NFIB: variants seen among roughly 807,000 people sequenced by gnomAD.
NFIB encodes the protein nuclear factor I B.
Under a neutral mutation model 61.5 loss-of-function variants are expected in NFIB, and 11 were observed. The observed-to-expected ratio is 0.18, with a 90% CI of 0.11 to 0.30. NFIB has a LOEUF of 0.30. NFIB is among the 10% of genes least tolerant of loss of function. NFIB has a pLI of 1.00. For synonymous variants in NFIB, 260 were observed against 216.5 expected (o/e 1.20, Z -1.76); for missense variants, 471 against 608.9 (o/e 0.77, Z 2.38).
chr9:14,505,138 GA>G, the NFIB span, among the ~76,000 whole-genome samples: 1 of 152,050 alleles, frequency 6.6e-6, no homozygotes, highest in African/African-American at 2.4e-5. Context: ...CATGTTTATT[GA>G]CTCGTGGATA....
chr9:14,343,655 C>G (rs1300427736), intron 1 of NFIB, among the ~76,000 whole-genome samples: 1 of 151,816 alleles, frequency 6.6e-6, no homozygotes, highest in African/African-American at 2.4e-5. Flanking sequence ...AAAGTGTGTA[C>G]AGTATTTTAT....
chr9:14,401,487 T>C (rs1299141417), upstream of NFIB, among the ~76,000 whole-genome samples: 2 of 152,208 alleles, frequency 1.3e-5, no homozygotes, highest in African/African-American at 4.8e-5. Context: ...GCAGCGTCTA[T>C]CTTACTCAAG....
At chr9:14,124,796 TAAGAC>T (rs1176234212) in intron 7 of NFIB, among the ~76,000 whole-genome samples, 1 of 152,182 alleles carries the variant, frequency 6.6e-6, no homozygotes, top group African/African-American at 2.4e-5. Flanking sequence ...CTACTTAAAT[TAAGAC>T]ATCAGACACA....
chr9:14,220,597 C>A (rs1374545936), intron 2 of NFIB, among the ~76,000 whole-genome samples: 1 of 152,118 alleles, frequency 6.6e-6, no homozygotes, highest in Non-Finnish European at 1.5e-5. Context: ...GTCTCCTCAA[C>A]AGTGGATCAC....
At chr9:14,326,795 A>G (rs1012248063) in intron 1 of NFIB, among the ~76,000 whole-genome samples, 16 of 151,282 alleles carry the variant, frequency 1.1e-4, no homozygotes, top group Non-Finnish European at 1.9e-4. Context: ...TTCTAGCTTT[A>G]AAAAATAATG....
chr9:14,369,164 C>T (rs140802693), intron 1 of NFIB, among the ~76,000 whole-genome samples: 34 of 152,258 alleles, frequency 2.2e-4, no homozygotes, highest in Admixed American at 7.2e-4. Flanking sequence ...CGAGGTTAAA[C>T]AGTAACTCGT....
intron 2 of NFIB, among the ~76,000 whole-genome samples, chr9:14,265,225 T>G (rs1258059341): frequency 1.3e-5 from 2 of 152,228 alleles, no homozygotes; most frequent in African/African-American, 2.4e-5. Context: ...CTATAAATGA[T>G]GAACAGTATT....
the NFIB span, among the ~76,000 whole-genome samples, chr9:14,417,205 C>T: frequency 6.6e-6 from 1 of 152,060 alleles, no homozygotes; most frequent in African/African-American, 2.4e-5. Flanking sequence ...ATCTTTTATA[C>T]TGTATTTTTT....
chr9:14,390,516 G>C (rs1230002493), intron 1 of NFIB, among the ~76,000 whole-genome samples: 1 of 151,994 alleles, frequency 6.6e-6, no homozygotes, highest in Non-Finnish European at 1.5e-5. Context: ...AACAGACAAA[G>C]TTGTCATAAT....
chr9:14,440,983 C>T, the NFIB span, among the ~76,000 whole-genome samples: 28 of 152,100 alleles, frequency 1.8e-4, 1 homozygote, highest in African/African-American at 6.8e-4. Flanking sequence ...ATTATGACAG[C>T]CATTCCTGAT....
chr9:14,484,218 A>G, the NFIB span, among the ~76,000 whole-genome samples: 1 of 152,252 alleles, frequency 6.6e-6, no homozygotes, highest in Non-Finnish European at 1.5e-5. Flanking sequence ...TAGACATAGA[A>G]TAGTGAACTA....
intron 2 of NFIB, among the ~76,000 whole-genome samples, chr9:14,298,824 C>T (rs1450795244): frequency 2.6e-5 from 4 of 152,186 alleles, no homozygotes; most frequent in African/African-American, 4.8e-5. Flanking sequence ...TTAGCCAGGG[C>T]GTAAGTTACA....
At chr9:14,115,576 C>T (rs2038001500) in intron 9 of NFIB, among the ~76,000 whole-genome samples, 1 of 149,864 alleles carries the variant, frequency 6.7e-6, no homozygotes, top group East Asian at 1.9e-4. Flanking sequence ...CTAAAAAGCA[C>T]AGTATTTGAT....
chr9:14,267,060 G>C (rs974434300), intron 2 of NFIB, among the ~76,000 whole-genome samples: 8 of 152,084 alleles, frequency 5.3e-5, no homozygotes, highest in Non-Finnish European at 7.4e-5. Context: ...AAGAAAACTA[G>C]ATTGCATACA....
At chr9:14,295,719 GT>G (rs1292324695) in intron 2 of NFIB, among the ~76,000 whole-genome samples, 1 of 152,110 alleles carries the variant, frequency 6.6e-6, no homozygotes, top group Non-Finnish European at 1.5e-5. Flanking sequence ...AATCTAAAAC[GT>G]AAGTGTAGTT....
intron 2 of NFIB, among the ~76,000 whole-genome samples, chr9:14,217,675 A>AAAAAAAAAAAAAAAAAAAC (rs1315513567): frequency 6.6e-6 from 1 of 151,362 alleles, no homozygotes; most frequent in Non-Finnish European, 1.5e-5. Context: ...AAAAAAAAAA[A>AAAAAAAAAAAAAAAAAAAC]AAAAAAGACA....
rs1389443307 is a variant in NFIB, at chr9:14,329,663, T to C, written c.109-22143A>G. On this transcript the variant is annotated intron_variant, in intron 1 of 8. Coordinates refer to the NFIB transcript ENST00000380934. ...CCGAGCAGCTGAGACTACAGGTGCG[T>C]ACCACCATGCCTGGCCAATTTTTGT... Among the ~76,000 whole-genome samples the C allele has an allele frequency of 3.3e-5, 5 of 151,832 alleles. No homozygotes were observed. The East Asian group carries it at 9.9e-4, about 30-fold the overall frequency.
intron 2 of NFIB, among the ~76,000 whole-genome samples, chr9:14,249,348 T>C (rs146636436): frequency 3.9e-5 from 6 of 152,324 alleles, no homozygotes; most frequent in African/African-American, 1.4e-4. Context: ...GCTTTTTTCT[T>C]TTCTTAAGTA....
At chr9:14,184,328 C>T (rs2047114241) in intron 2 of NFIB, among the ~76,000 whole-genome samples, 1 of 152,168 alleles carries the variant, frequency 6.6e-6, no homozygotes, top group Admixed American at 6.5e-5. Context: ...GGAAACTTAC[C>T]TTCCCCTAAC....
Sources: gnomAD v4.1 joint callset for allele counts (sites outside exome capture counted in the v4.1 genomes callset) on GRCh38, gnomAD v4.1.1 for gene constraint, MANE v1.5 for transcripts, NCBI Gene and HGNC (gene_info 2026-07-23, HGNC 2026-07-21) for gene names.